Variants in LARS2 observed in about 807,000 individuals in gnomAD.
LARS2 encodes leucyl-tRNA synthetase 2, mitochondrial, also known as leucine--tRNA ligase, mitochondrial.
Under a neutral mutation model 116.6 loss-of-function variants are expected in LARS2, and 81 were observed. That is an observed-to-expected ratio of 0.69 (90% confidence interval 0.58 to 0.84). The LOEUF (loss-of-function observed/expected upper bound fraction) is 0.84. Among genes scored for constraint, LARS2 ranks in the 40% least tolerant of loss-of-function variants. The pLI is 0.00. For synonymous variants in LARS2, 396 were observed against 407.2 expected (o/e 0.97, Z 0.33); for missense variants, 968 against 1,114.5 (o/e 0.87, Z 1.87).
At chr3:45,428,987 A>T (rs1698646076) in intron 6 of LARS2, among the ~76,000 whole-genome samples, 1 of 152,176 alleles carries the variant, frequency 6.6e-6, no homozygotes, top group South Asian at 2.1e-4. Flanking sequence ...ACACAGCCAT[A>T]ATACCATTTT....
At chr3:45,435,321 A>G (rs1197451723) in intron 6 of LARS2, among the ~76,000 whole-genome samples, 4 of 152,110 alleles carry the variant, frequency 2.6e-5, no homozygotes, top group Non-Finnish European at 4.4e-5. Flanking sequence ...CTAACGCCCA[A>G]TAGGGCTAGA....
chr3:45,433,081 ACTTTTT>A (rs1198918473), intron 6 of LARS2, among the ~76,000 whole-genome samples: 1 of 151,996 alleles, frequency 6.6e-6, no homozygotes, highest in East Asian at 1.9e-4. Flanking sequence ...TAATATAGCC[ACTTTTT>A]CTTTTGATTA....
At chr3:45,463,901 T>C (rs1699377940) in intron 8 of LARS2, among the ~76,000 whole-genome samples, 2 of 151,960 alleles carry the variant, frequency 1.3e-5, no homozygotes, top group Admixed American at 1.3e-4. Flanking sequence ...ACTGAGGAAG[T>C]GGTGAAAGAT....
chr3:45,500,669 A>G (rs952742450), intron 15 of LARS2, 90 bp downstream of exon 15: 2 of 935,790 alleles, frequency 2.1e-6, no homozygotes, highest in Non-Finnish European at 3.1e-6. Context: ...AGGTAAATGC[A>G]TGTAGTAGAA....
rs564438629 is a variant in LARS2, at chr3:45,470,332, T to G, written c.751-3911T>G. Among the ~76,000 whole-genome samples, 6 of 152,334 alleles carry G rather than the reference T, an allele frequency of 3.9e-5. No homozygotes were observed. In the South Asian group the frequency reaches 1.2e-3, roughly 32 times the overall value. ...TATCCCCAGCTTTTTAGTTTTAATG[T>G]TTCTCTCTCTTATTCCTGATTGTAT... On this transcript the variant is annotated intron_variant, in intron 8 of 21. Coordinates refer to ENST00000645846, the MANE Select transcript of LARS2 (RefSeq NM_015340.4).
At chr3:45,415,466 C>T (rs1044007849) in intron 4 of LARS2, among the ~76,000 whole-genome samples, 4 of 152,124 alleles carry the variant, frequency 2.6e-5, no homozygotes, top group African/African-American at 4.8e-5. Context: ...ATTTTACAGA[C>T]GATGAAACTG....
intron 13 of LARS2, among the ~76,000 whole-genome samples, chr3:45,494,126 C>T (rs1426034556): frequency 6.6e-6 from 1 of 152,112 alleles, no homozygotes; most frequent in Non-Finnish European, 1.5e-5. Flanking sequence ...AAAGCTTCTA[C>T]TCTTAGAGAC....
chr3:45,531,666 G>T (rs1490543064), intron 20 of LARS2, among the ~76,000 whole-genome samples: 1 of 152,254 alleles, frequency 6.6e-6, no homozygotes, highest in East Asian at 1.9e-4. Context: ...TTATAGGCAT[G>T]AGCCACTGCA....
At chr3:45,459,006 A>C in intron 8 of LARS2, 120 bp downstream of exon 8, 1 of 965,764 alleles carries the variant, frequency 1.0e-6, no homozygotes. Flanking sequence ...GCTGGGAGCC[A>C]TGGATGTACA....
intron 7 of LARS2, among the ~76,000 whole-genome samples, chr3:45,455,527 T>C (rs186517341): frequency 6.6e-6 from 1 of 152,236 alleles, no homozygotes; most frequent in East Asian, 1.9e-4. Context: ...TTCCAGAACC[T>C]GTGTACACTG....
At chr3:45,455,316 C>T (rs1365442833) in intron 7 of LARS2, among the ~76,000 whole-genome samples, 1 of 152,098 alleles carries the variant, frequency 6.6e-6, no homozygotes, top group Non-Finnish European at 1.5e-5. Flanking sequence ...TCACTTCTTC[C>T]AAATCCTCTG....
At chr3:45,448,441 C>G (rs751107133) in intron 7 of LARS2, among the ~76,000 whole-genome samples, 1 of 152,050 alleles carries the variant, frequency 6.6e-6, no homozygotes, top group Non-Finnish European at 1.5e-5. Context: ...ACAGTAGTGC[C>G]AAGACCAGCT....
intron 6 of LARS2, among the ~76,000 whole-genome samples, chr3:45,440,092 C>T (rs1698879148): frequency 6.6e-6 from 1 of 152,190 alleles, no homozygotes. Flanking sequence ...GGCAGATTTT[C>T]TCATGAGCCT....
chr3:45,401,106 C>T (rs141558658), intron 4 of LARS2, among the ~76,000 whole-genome samples: 13 of 152,164 alleles, frequency 8.5e-5, no homozygotes, highest in African/African-American at 1.2e-4. Context: ...CCACCATGCC[C>T]GGCAGAGCAT....
chr3:45,448,547 A>T (rs756881950), intron 7 of LARS2, among the ~76,000 whole-genome samples: 11 of 152,246 alleles, frequency 7.2e-5, no homozygotes, highest in Non-Finnish European at 1.6e-4. Context: ...CAGGGGTCTC[A>T]CAGCCTTCAG....
At chr3:45,419,158 G>T (rs1450841651) in intron 5 of LARS2, among the ~76,000 whole-genome samples, 1 of 152,104 alleles carries the variant, frequency 6.6e-6, no homozygotes. Flanking sequence ...TTATAAGTTG[G>T]TTTACCTGTT....
Position 45,543,471 on chromosome 3 carries a change from A to AT in LARS2, c.2532+1526dup, listed in dbSNP as rs531541366. Among the ~76,000 whole-genome samples, 445 of 128,626 alleles carry AT rather than the reference A, an allele frequency of 3.5e-3. 12 individuals carry two copies. In the South Asian group the frequency reaches 0.076, roughly 22 times the overall value. 84.4% of individuals were successfully genotyped at this position (128,626 alleles called of 152,430 possible). ...CAGAATTTTTTTTTTTTATTTTTTT[A>AT]TTTTTTTTTTTGGTGAGACAGAGTC... On this transcript the variant is annotated intron_variant, in intron 21 of 21. Transcript: ENST00000645846.
chr3:45,429,449 T>C (rs1281715115), intron 6 of LARS2, among the ~76,000 whole-genome samples: 1 of 152,170 alleles, frequency 6.6e-6, no homozygotes, highest in African/African-American at 2.4e-5. Context: ...TCTCAAGCCT[T>C]CCACATGGCC....
At chr3:45,506,799 C>G (rs777832777) in intron 15 of LARS2, 2 of 152,076 alleles carry the variant, frequency 1.3e-5, no homozygotes, top group African/African-American at 4.8e-5. Context: ...CAAATACAGA[C>G]AGCAAAGGTT....
Sources: gnomAD v4.1 joint callset for allele counts (sites outside exome capture counted in the v4.1 genomes callset) on GRCh38, gnomAD v4.1.1 for gene constraint, MANE v1.5 for transcripts, NCBI Gene and HGNC (gene_info 2026-07-23, HGNC 2026-07-21) for gene names.